Variants in CCDC83 observed in about 807,000 individuals in gnomAD.
The protein encoded by CCDC83 is coiled-coil domain-containing protein 83.
In CCDC83, 54 loss-of-function variants were observed where a neutral mutation model predicts 50.1. That is an observed-to-expected ratio of 1.08 (90% confidence interval 0.87 to 1.35). CCDC83 has a LOEUF of 1.35. Ranked by LOEUF, CCDC83 falls within the 40% of genes most tolerant of loss-of-function variation. CCDC83 has a pLI of 0.00. For synonymous variants in CCDC83, 161 were observed against 153.3 expected (o/e 1.05, Z -0.37); for missense variants, 518 against 473.9 (o/e 1.09, Z -0.86).
intron 7 of CCDC83, among the ~76,000 whole-genome samples, chr11:85,909,785 C>T (rs2135131300): frequency 1.3e-5 from 2 of 151,900 alleles, no homozygotes; most frequent in South Asian, 2.1e-4. Flanking sequence ...GAGAATTCTA[C>T]CAACAGAACC....
intron 5 of CCDC83, among the ~76,000 whole-genome samples, chr11:85,893,609 G>T (rs2093359586): frequency 1.3e-5 from 2 of 152,222 alleles, no homozygotes; most frequent in Admixed American, 1.3e-4. Flanking sequence ...CAGTGGAGAA[G>T]CAAGTGAATC....
intron 2 of CCDC83, 87 bp downstream of exon 2, chr11:85,865,305 C>T (rs2093200697): frequency 5.0e-6 from 4 of 802,896 alleles, no homozygotes; most frequent in Admixed American, 4.1e-5. Context: ...GCAAACAATA[C>T]ATGCAGCAGC....
rs1565160046 is a variant in CCDC83, at chr11:85,917,170, A to AG, written c.1080+937_1080+938insG. Among the ~76,000 whole-genome samples, 128 of 58,930 alleles carry AG rather than the reference A, an allele frequency of 2.2e-3. 1 individual carries two copies. Among genetic ancestry groups the AG allele is most frequent in the African/African-American group, 5.2e-3 (64 of 12,292 alleles). 38.7% of individuals were successfully genotyped at this position (58,930 alleles called of 152,430 possible). ...AGAGAGAGAGAGAGAGAGAGAGAGA[A>AG]AGAAAGAAAGAAAGAAAGAAAGAGA... On this transcript the variant is annotated intron_variant, in intron 10 of 10. Coordinates refer to ENST00000342404, the MANE Select transcript of CCDC83 (RefSeq NM_001286159.2).
At chr11:85,860,364 T>G (rs2093169081) in intron 1 of CCDC83, among the ~76,000 whole-genome samples, 1 of 126,162 alleles carries the variant, frequency 7.9e-6, no homozygotes, top group Admixed American at 7.6e-5. Context: ...AAAGAAAACA[T>G]ACATGTGGCC....
At chr11:85,915,985 GT>G in intron 9 of CCDC83, 42 bp from the exon 10 acceptor site, 2 of 1,324,516 alleles carry the variant, frequency 1.5e-6, no homozygotes, top group Non-Finnish European at 2.1e-6. Context: ...ATTTGTATAT[GT>G]TCAAAATGTA....
chr11:85,919,016 T>G (rs1252467426), intron 10 of CCDC83, among the ~76,000 whole-genome samples: 1 of 152,226 alleles, frequency 6.6e-6, no homozygotes, highest in Non-Finnish European at 1.5e-5. Context: ...GTTTTTATTT[T>G]CCTTTCACAG....
intron 1 of CCDC83, among the ~76,000 whole-genome samples, chr11:85,857,244 G>T (rs1224131062): frequency 6.6e-6 from 1 of 152,200 alleles, no homozygotes; most frequent in East Asian, 1.9e-4. Context: ...ATCACCAGTT[G>T]CCTCCATAGG....
chr11:85,897,683 A>G (rs980012957), intron 6 of CCDC83, among the ~76,000 whole-genome samples: 1 of 152,230 alleles, frequency 6.6e-6, no homozygotes, highest in African/African-American at 2.4e-5. Flanking sequence ...TAGCCAATTA[A>G]CTTCAGTTAG....
In CCDC83 at chr11:85,919,702, G is replaced by A. The variant is rs962809461; in HGVS notation, c.*192G>A. 3.2e-5 allele frequency: 17 copies of A among 539,030 alleles called. No homozygotes were observed. The highest frequency in any genetic ancestry group is 2.1e-4 in the African/African-American group (11 of 51,488). 33.4% of individuals were successfully genotyped at this position (539,030 alleles called of 1,614,324 possible). A position where few individuals can be genotyped will look rare whatever the true frequency, so the allele number is the denominator to read the frequency against. On this transcript the variant is annotated 3_prime_UTR_variant, in exon 11 of 11. Transcript: ENST00000342404. ...CTTGCATGGTATGAGTGACCAAAACGGAAGCACGCTTTGTATTTCTACACT... is the reference window on the plus strand; with the variant it reads ...CTTGCATGGTATGAGTGACCAAAACAGAAGCACGCTTTGTATTTCTACACT...
chr11:85,882,572 T>G lies in CCDC83; in HGVS notation c.240T>G (p.Ser80Arg). The part of the protein sequence containing the change: ...WHIRHLLKEL[S>R]EEKAEGLPVV... ...TACGGCATCTACTAAAGGAACTGAG[T>G]GAAGAGAAGGCAGAGGGATTGCCAG... Residue 80 changes from serine (S) to arginine (R), a missense_variant, in exon 4 of 11, where the codon AGT becomes AGG. Physicochemically the swap from Ser to Arg is moderately radical, Grantham distance 110. Transcript: ENST00000342404. 1 of 1,613,586 alleles carries G rather than the reference T, an allele frequency of 6.2e-7. No homozygotes were observed. Among genetic ancestry groups the G allele is most frequent in the Non-Finnish European group, 8.5e-7 (1 of 1,179,784 alleles).
Position 85,882,517 on chromosome 11 carries a change from G to T in CCDC83, c.185G>T (p.Ser62Ile). Residue 62 changes from serine to isoleucine, a missense_variant, in exon 4 of 11, where the codon AGC (serine) becomes ATC (isoleucine). Ser to Ile is a moderately radical substitution (Grantham distance 142). Coordinates refer to ENST00000342404, the MANE Select transcript of CCDC83 (RefSeq NM_001286159.2). ...TACTGTTGATTTTCATGACAGAATA[G>T]CCGCTTAAAAGAAGAACAGATTTGG... ...KKNQKYHERN[S>I]RLKEEQIWHI... is the part of the protein sequence containing the mutation. 6.2e-7 allele frequency: 1 copy of T among 1,613,376 alleles called. No homozygotes were observed. Among genetic ancestry groups the T allele is most frequent in the Non-Finnish European group, 8.5e-7 (1 of 1,179,644 alleles).
At chr11:85,865,886 G>A (rs2093203944) in intron 2 of CCDC83, among the ~76,000 whole-genome samples, 1 of 148,564 alleles carries the variant, frequency 6.7e-6, no homozygotes, top group Non-Finnish European at 1.5e-5. Context: ...AGATTCCATT[G>A]AGGTTCCATC....
chr11:85,894,356 G>A (rs1394209199), intron 5 of CCDC83, among the ~76,000 whole-genome samples: 1 of 152,144 alleles, frequency 6.6e-6, no homozygotes, highest in Non-Finnish European at 1.5e-5. Context: ...CAATTGCCCT[G>A]CCTATGTTAC....
intron 6 of CCDC83, among the ~76,000 whole-genome samples, chr11:85,896,838 C>T (rs1440705284): frequency 6.6e-6 from 1 of 151,214 alleles, no homozygotes; most frequent in Non-Finnish European, 1.5e-5. Flanking sequence ...CTAAGATTGT[C>T]TGTTCATCTG....
At chr11:85,906,355 C>T (rs1166759423) in intron 7 of CCDC83, among the ~76,000 whole-genome samples, 1 of 152,120 alleles carries the variant, frequency 6.6e-6, no homozygotes, top group Non-Finnish European at 1.5e-5. Flanking sequence ...AAGTGAGCCA[C>T]CTTGCCCAGC....
chr11:85,878,674 C>A (rs115283580), intron 3 of CCDC83, among the ~76,000 whole-genome samples: 1 of 152,180 alleles, frequency 6.6e-6, no homozygotes, highest in Non-Finnish European at 1.5e-5. Flanking sequence ...CAAAAGTTTT[C>A]ATTTCTTTGG....
chr11:85,914,510 A>T (rs987167462), intron 8 of CCDC83, among the ~76,000 whole-genome samples: 1 of 152,148 alleles, frequency 6.6e-6, no homozygotes, highest in Non-Finnish European at 1.5e-5. Context: ...CAGGACCTAG[A>T]TGGTATCTTG....
intron 2 of CCDC83, among the ~76,000 whole-genome samples, chr11:85,870,191 T>C (rs1212361750): frequency 1.3e-5 from 2 of 152,208 alleles, no homozygotes; most frequent in Non-Finnish European, 2.9e-5. Context: ...TTAGTATAAA[T>C]ATGACCCATG....
intron 3 of CCDC83, among the ~76,000 whole-genome samples, chr11:85,879,132 T>C (rs1444198177): frequency 6.6e-6 from 1 of 152,240 alleles, no homozygotes; most frequent in Non-Finnish European, 1.5e-5. Flanking sequence ...TTTTTAATTT[T>C]AATGAAGTCC....
Sources: gnomAD v4.1 joint callset for allele counts (sites outside exome capture counted in the v4.1 genomes callset) on GRCh38, gnomAD v4.1.1 for gene constraint, MANE v1.5 for transcripts, NCBI Gene and HGNC (gene_info 2026-07-23, HGNC 2026-07-21) for gene names.